Variants in KMT2C observed in about 807,000 individuals in gnomAD.
KMT2C encodes lysine methyltransferase 2C, also known as histone-lysine N-methyltransferase 2C.
KMT2C carries 88 observed loss-of-function variants against 507.9 expected under a neutral mutation model. The observed-to-expected ratio is 0.17, with a 90% CI of 0.15 to 0.21. KMT2C has a LOEUF of 0.21. KMT2C is among the 10% of genes least tolerant of loss of function. The pLI is 1.00. For missense variants in KMT2C, 4,954 were observed against 5,957.8 expected (o/e 0.83, Z 5.55); for synonymous variants, 2,049 against 2,080.8 (o/e 0.98, Z 0.42).
chr7:152,195,464 C>A, intron 28 of KMT2C: 1 of 820,102 alleles, frequency 1.2e-6, no homozygotes, highest in Non-Finnish European at 1.5e-6. Context: ...CAGCTGAAAT[C>A]ACTATAAAAA....
In KMT2C at chr7:152,180,693, A is replaced by T. The variant is rs1246074926; in HGVS notation, c.7149+18T>A. The T allele has an allele frequency of 6.4e-7, 1 of 1,550,518 alleles. No homozygotes were observed. Among genetic ancestry groups the T allele is most frequent in the Non-Finnish European group, 8.8e-7 (1 of 1,135,840 alleles). ...CTCAAATAATACATTTAAAACTGAG[A>T]ACATACAATGTGTTTACCTGTCTCA... On this transcript the variant is annotated intron_variant, in intron 36 of 58. Coordinates refer to ENST00000262189, the MANE Select transcript of KMT2C (RefSeq NM_170606.3).
rs2095539594 is a variant in KMT2C at position 152,250,061 on chromosome 7, C to T, written c.1736-108G>A. 5.9e-5 allele frequency: 38 copies of T among 648,668 alleles called. No homozygotes were observed. The South Asian group carries it at 6.7e-4, about 12-fold the overall frequency. 40.2% of individuals were successfully genotyped at this position (648,668 alleles called of 1,614,324 possible). A position where few individuals can be genotyped will look rare whatever the true frequency, so the allele number is the denominator to read the frequency against. On this transcript the variant is annotated intron_variant, in intron 12 of 58. Coordinates refer to ENST00000262189, the MANE Select transcript of KMT2C (RefSeq NM_170606.3). ...TTTTATTCTACTAAATGTCAATTTC[C>T]AATATAAGCATGAAACATTGTACCA... is the stretch of plus-strand genomic sequence containing the variant.
At chr7:152,315,866 T>C (rs565027519) in intron 3 of KMT2C, among the ~76,000 whole-genome samples, 3 of 152,152 alleles carry the variant, frequency 2.0e-5, no homozygotes, top group Non-Finnish European at 4.4e-5. Context: ...TAAGCTGAGA[T>C]TGAACCACTG....
intron 2 of KMT2C, among the ~76,000 whole-genome samples, chr7:152,333,476 C>G (rs1243043504): frequency 1.3e-5 from 2 of 152,180 alleles, no homozygotes; most frequent in African/African-American, 2.4e-5. Flanking sequence ...ACAATTTCCT[C>G]TGGACTTTAT....
rs529157932 is a variant in KMT2C at position 152,268,834 on chromosome 7, A to T, written c.1013-3625T>A. ...ACTTTCTAGAGTTTGCTCCCCTGAC[A>T]CTTCAAGTTGCCATGGTAGCTACTA... On this transcript the variant is annotated intron_variant, in intron 7 of 58. Coordinates refer to ENST00000262189, the MANE Select transcript of KMT2C (RefSeq NM_170606.3). Among the ~76,000 whole-genome samples, 49 of 152,308 alleles carry T rather than the reference A, an allele frequency of 3.2e-4. No individual in the cohort carries two copies. In the South Asian group the frequency reaches 9.7e-3, roughly 30 times the overall value.
In KMT2C at chr7:152,155,937, G is replaced by A; in HGVS notation, c.11933C>T (p.Pro3978Leu). The A allele has an allele frequency of 6.2e-7, 1 of 1,605,500 alleles. No individual in the cohort carries two copies. Among genetic ancestry groups the A allele is most frequent in the Non-Finnish European group, 8.5e-7 (1 of 1,178,138 alleles). ...TAATTCTTCCTGATTGTTATGAGGT[G>A]GTGTTGGGAGGGAGGCTGGCACATC... is the stretch of plus-strand genomic sequence containing the variant. Reference protein sequence around the residue: ...TVDVPASLPTPPHNNQEELRI... With the variant: ...TVDVPASLPTLPHNNQEELRI... The change falls in exon 46 of 59, where the codon CCA (proline) becomes CTA (leucine). Residue 3978 changes from proline (P) to leucine (L), a missense_variant. Physicochemically the swap from Pro to Leu is moderately conservative, Grantham distance 98 (BLOSUM62 -3). Transcript: ENST00000262189.
intron 43 of KMT2C, among the ~76,000 whole-genome samples, chr7:152,161,156 C>CAACTGT (rs2092435974): frequency 6.6e-6 from 1 of 152,084 alleles, no homozygotes; most frequent in African/African-American, 2.4e-5. Context: ...TTACTGGTGA[C>CAACTGT]AACTGTAAAA....
chr7:152,250,669 G>C (rs576271473), intron 12 of KMT2C, among the ~76,000 whole-genome samples, 184 bp downstream of exon 12: 29 of 152,216 alleles, frequency 1.9e-4, no homozygotes, highest in African/African-American at 7.0e-4. Flanking sequence ...AAGTCTAGAT[G>C]GTAGCTGAAC....
At chr7:152,400,031 G>A (rs566125618) in intron 1 of KMT2C, among the ~76,000 whole-genome samples, 7 of 152,084 alleles carry the variant, frequency 4.6e-5, no homozygotes, top group East Asian at 1.9e-4. Context: ...ACTAGAGGCC[G>A]GGCGTGGGGG....
chr7:152,171,708 C>T (rs554526714), intron 39 of KMT2C, among the ~76,000 whole-genome samples: 16 of 152,304 alleles, frequency 1.1e-4, no homozygotes, highest in African/African-American at 3.6e-4. Flanking sequence ...TTCAAGACTT[C>T]AGAATAAAAA....
chr7:152,310,886 A>G lies in KMT2C; in HGVS notation c.740-811T>C, dbSNP rs2096665813. On this transcript the variant is annotated intron_variant, in intron 5 of 58. Transcript: ENST00000262189. ...TTTTTTGTAGAGACAGGGTTTCACC[A>G]TGTTGCCCAGTCTGGTCTTGAACTC... Among the ~76,000 whole-genome samples, 3 of 151,866 alleles carry G rather than the reference A, an allele frequency of 2.0e-5. No individual in the cohort carries two copies. The South Asian group carries it at 6.2e-4, about 32-fold the overall frequency.
intron 37 of KMT2C, among the ~76,000 whole-genome samples, chr7:152,178,512 A>T (rs758430496): frequency 3.3e-5 from 5 of 152,220 alleles, no homozygotes; most frequent in African/African-American, 1.2e-4. Context: ...CTTAGAGAAA[A>T]GGACAAGTAG....
chr7:152,369,328 A>C (rs1051283526), intron 1 of KMT2C, among the ~76,000 whole-genome samples: 9 of 152,142 alleles, frequency 5.9e-5, no homozygotes, highest in African/African-American at 2.2e-4. Flanking sequence ...GTCTCAAAAA[A>C]AAACAAAAAC....
At chr7:152,373,312 A>AC (rs1051782805) in intron 1 of KMT2C, among the ~76,000 whole-genome samples, 1 of 152,168 alleles carries the variant, frequency 6.6e-6, no homozygotes, top group African/African-American at 2.4e-5. Flanking sequence ...TCACTGCTGC[A>AC]CCCCCAACAC....
Position 152,222,084 on chromosome 7 carries a change from A to C in KMT2C, c.3434-18T>G, listed in dbSNP as rs1301840263. The C allele has an allele frequency of 6.4e-7, 1 of 1,561,376 alleles. No individual in the cohort carries two copies. The highest frequency in any genetic ancestry group is 8.7e-7 in the Non-Finnish European group (1 of 1,152,146). ...GGAAGGCACTGAAACGAAAAAAAAA[A>C]ATCCAGGTAATTCTTTTCAGAAAAG... On this transcript the variant is annotated intron_variant, in intron 21 of 58. Transcript: ENST00000262189.
Position 152,307,195 on chromosome 7 carries a change from GAGGAAGGAAGGA to G in KMT2C, c.849+2759_849+2770del, listed in dbSNP as rs565184971. ...GAAGAGGAAGGAAGGAAAGAAGAGG[GAGGAAGGAAGGA>G]AGGAAGGAAGGAAGGAAGGAAGGAA... On this transcript the variant is annotated intron_variant, in intron 6 of 58. Coordinates refer to ENST00000262189, the MANE Select transcript of KMT2C (RefSeq NM_170606.3). Among the ~76,000 whole-genome samples, 592 of 64,932 alleles carry G rather than the reference GAGGAAGGAAGGA, an allele frequency of 9.1e-3. 6 individuals carry two copies. Among genetic ancestry groups the G allele is most frequent in the African/African-American group, 0.015 (263 of 17,066 alleles). The allele number at this position is 64,932 out of a possible 152,430, so 42.6% of individuals were successfully genotyped here. A position where few individuals can be genotyped will look rare whatever the true frequency, so the allele number is the denominator to read the frequency against.
chr7:152,392,309 CTTT>C (rs1274250359), intron 1 of KMT2C, among the ~76,000 whole-genome samples: 2 of 152,194 alleles, frequency 1.3e-5, no homozygotes, highest in African/African-American at 4.8e-5. Flanking sequence ...ACTACTACTT[CTTT>C]ATTTTTCAGT....
chr7:152,154,690 C>T (rs1413365126), intron 46 of KMT2C, among the ~76,000 whole-genome samples: 1 of 152,144 alleles, frequency 6.6e-6, no homozygotes, highest in African/African-American at 2.4e-5. Flanking sequence ...AGTTTGAAGA[C>T]CTGCCAAAGA....
At chr7:152,205,741 T>C (rs955660711) in intron 24 of KMT2C, among the ~76,000 whole-genome samples, 1 of 152,330 alleles carries the variant, frequency 6.6e-6, no homozygotes, top group African/African-American at 2.4e-5. Context: ...AGCCTAAATG[T>C]GTAGTAAGCT....
Sources: allele counts gnomAD v4.1 joint callset (sites outside exome capture counted in the v4.1 genomes callset), GRCh38; gene constraint gnomAD v4.1.1; transcripts MANE v1.5; gene names NCBI Gene and HGNC (gene_info 2026-07-23, HGNC 2026-07-21).